Variants in MRC1 observed in about 807,000 individuals in gnomAD.
MRC1 encodes mannose receptor C-type 1.
MRC1 carries 62 observed loss-of-function variants against 102.9 expected under a neutral mutation model. The ratio of observed to expected loss-of-function variants is 0.60; its 90% CI spans 0.49 to 0.74. The LOEUF is 0.74. Among genes scored for constraint, MRC1 ranks in the 30% least tolerant of loss-of-function variants. The pLI is 0.00. For missense variants in MRC1, 1,237 were observed against 862.8 expected (o/e 1.43, Z -5.43); for synonymous variants, 457 against 298.4 (o/e 1.53, Z -5.48).
At position 17,839,663 on chromosome 10, in the gene MRC1, A is replaced by T. The variant is rs917357652; in HGVS notation, c.803-1030A>T. Among the ~76,000 whole-genome samples the T allele has an allele frequency of 4.6e-5, 7 of 152,328 alleles. No individual in the cohort carries two copies. The East Asian group carries it at 9.6e-4, about 21-fold the overall frequency. On this transcript the variant is annotated intron_variant, in intron 4 of 29. Transcript: ENST00000569591. ...ATCTCTAAAAAATAAAAATAAATTT[A>T]AAAAATGTTTTTAAAAGCCAAAGGA...
intron 21 of MRC1, among the ~76,000 whole-genome samples, chr10:17,883,384 C>A (rs1833545173): frequency 6.6e-6 from 1 of 152,078 alleles, no homozygotes; most frequent in African/African-American, 2.4e-5. Context: ...CCACCTTGAC[C>A]TCCCAAATTG....
At chr10:17,870,703 T>G (rs980205144) in intron 13 of MRC1, 145 bp from the exon 14 acceptor site, 211 of 757,676 alleles carry the variant, frequency 2.8e-4, no homozygotes, top group South Asian at 1.5e-3. Context: ...ATTGCATAAG[T>G]CTTCTATTTA....
chr10:17,864,121 G>T (rs2130664882), intron 11 of MRC1, among the ~76,000 whole-genome samples: 1 of 152,144 alleles, frequency 6.6e-6, no homozygotes, highest in African/African-American at 2.4e-5. Flanking sequence ...TCGTGCCTCA[G>T]CCTCCTGAGT....
intron 22 of MRC1, among the ~76,000 whole-genome samples, chr10:17,885,872 TAG>T (rs1447524622): frequency 6.6e-6 from 1 of 151,670 alleles, no homozygotes; most frequent in Non-Finnish European, 1.5e-5. Context: ...CTAATATTTG[TAG>T]ACTGCTTATT....
intron 5 of MRC1, among the ~76,000 whole-genome samples, chr10:17,842,635 A>T (rs1201091891): frequency 1.3e-5 from 2 of 152,212 alleles, no homozygotes; most frequent in African/African-American, 2.4e-5. Context: ...AGTTGGCCTC[A>T]ATCAGATTAT....
rs959892372 is a variant in MRC1 at position 17,864,069 on chromosome 10, C to T, written c.1783+387C>T. On this transcript the variant is annotated intron_variant, in intron 11 of 29. Transcript: ENST00000569591. ...CCAGGCTGGAGTGCAGTGGCGCCAT[C>T]TTGGCTCACTGCAACCTCAACCTTC... Among the ~76,000 whole-genome samples the T allele has an allele frequency of 4.7e-3, 712 of 152,200 alleles. 3 individuals are homozygous for T. Among genetic ancestry groups the T allele is most frequent in the Middle Eastern group, 0.021 (6 of 292 alleles).
chr10:17,846,327 A>G (rs1589175316), intron 6 of MRC1, among the ~76,000 whole-genome samples: 1 of 142,372 alleles, frequency 7.0e-6, no homozygotes, highest in African/African-American at 2.6e-5. Flanking sequence ...CCAATTGATG[A>G]AAGACAAACT....
chr10:17,834,351 G>A (rs1354065244), intron 4 of MRC1, among the ~76,000 whole-genome samples: 1 of 152,102 alleles, frequency 6.6e-6, no homozygotes, highest in Non-Finnish European at 1.5e-5. Flanking sequence ...CCAGTTTTCA[G>A]GTTTTATTGA....
intron 3 of MRC1, among the ~76,000 whole-genome samples, chr10:17,832,687 A>T (rs959289809): frequency 6.7e-6 from 1 of 149,940 alleles, no homozygotes; most frequent in African/African-American, 2.5e-5. Flanking sequence ...TCCCGGGTTC[A>T]CGCCATTCTC....
chr10:17,868,068 A>G (rs1222086729), intron 12 of MRC1, among the ~76,000 whole-genome samples: 1 of 152,218 alleles, frequency 6.6e-6, no homozygotes, highest in Admixed American at 6.5e-5. Flanking sequence ...ACAAAAAAAG[A>G]AACCCAGAAA....
At chr10:17,821,270 G>A (rs1305907860) in intron 1 of MRC1, among the ~76,000 whole-genome samples, 2 of 152,256 alleles carry the variant, frequency 1.3e-5, no homozygotes, top group Non-Finnish European at 2.9e-5. Flanking sequence ...CATTTAATGC[G>A]TAACATCCAA....
At chr10:17,890,181 C>G (rs1345055236) in intron 22 of MRC1, among the ~76,000 whole-genome samples, 1 of 152,064 alleles carries the variant, frequency 6.6e-6, no homozygotes, top group Non-Finnish European at 1.5e-5. Context: ...AAAAGAAATC[C>G]AACGTAATTA....
At chr10:17,879,650 A>G (rs1479552972) in intron 18 of MRC1, 71 bp from the exon 19 acceptor site, 41 of 780,574 alleles carry the variant, frequency 5.3e-5, no homozygotes, top group Non-Finnish European at 2.2e-5. Flanking sequence ...GGCGTGAGCC[A>G]CTGCTCCTGG....
chr10:17,852,535 A>G (rs1378038896), intron 7 of MRC1, among the ~76,000 whole-genome samples: 15 of 152,346 alleles, frequency 9.8e-5, no homozygotes, highest in Admixed American at 9.8e-4. Flanking sequence ...AACATTCATC[A>G]ATTTAATCAT....
rs972124741 is a variant in MRC1, at chr10:17,831,174, C to T, written c.638-2501C>T. Among the ~76,000 whole-genome samples the T allele has an allele frequency of 3.3e-5, 5 of 150,486 alleles. 1 individual carries two copies. The highest frequency in any genetic ancestry group is 7.5e-5 in the African/African-American group (3 of 40,096). On this transcript the variant is annotated intron_variant, in intron 3 of 29. Coordinates refer to ENST00000569591, the MANE Select transcript of MRC1 (RefSeq NM_002438.4). ...GACTCCAAAGTGCTGGGATTGCAGT[C>T]GTGAGCCATGGCGCCCGCATTTTCT...
chr10:17,842,121 C>G (rs941889013), intron 5 of MRC1, among the ~76,000 whole-genome samples: 25 of 152,252 alleles, frequency 1.6e-4, no homozygotes, highest in African/African-American at 5.8e-4. Context: ...CACCACCATG[C>G]CTGGCTAATT....
chr10:17,891,131 T>TTTTTTTTA (rs1361457618), intron 22 of MRC1, among the ~76,000 whole-genome samples: 27 of 134,980 alleles, frequency 2.0e-4, no homozygotes, highest in African/African-American at 7.0e-4. Context: ...GTATCACTAG[T>TTTTTTTTA]TTTATTTATT....
intron 24 of MRC1, among the ~76,000 whole-genome samples, chr10:17,899,145 T>C (rs1589195785): frequency 6.7e-6 from 1 of 149,686 alleles, no homozygotes; most frequent in African/African-American, 2.5e-5. Flanking sequence ...AGTAGATGAG[T>C]GTCAGATGTT....
In MRC1 at chr10:17,846,343, T is replaced by G. The variant is rs937194343; in HGVS notation, c.1063+908T>G. The stretch of plus-strand genomic sequence containing the variant: ...CAATTGATGAAAGACAAACTACATA[T>G]TTTTTATTATTACCTCTTTTTGGAG... On this transcript the variant is annotated intron_variant, in intron 6 of 29. Transcript: ENST00000569591. 2.1e-3 allele frequency among the ~76,000 whole-genome samples: 112 copies of G among 52,382 alleles called. No individual in the cohort carries two copies. The East Asian group carries it at 0.063, about 29-fold the overall frequency. 34.4% of individuals were successfully genotyped at this position (52,382 alleles called of 152,430 possible).
Sources: allele counts gnomAD v4.1 joint callset (sites outside exome capture counted in the v4.1 genomes callset), GRCh38; gene constraint gnomAD v4.1.1; transcripts MANE v1.5; gene names NCBI Gene and HGNC (gene_info 2026-07-23, HGNC 2026-07-21).